Variants in ZMAT4 observed in about 807,000 individuals in gnomAD.
ZMAT4 encodes the protein zinc finger matrin-type protein 4.
A neutral mutation model predicts 28.7 loss-of-function variants in ZMAT4; 17 were observed. The ratio of observed to expected loss-of-function variants is 0.59; its 90% CI spans 0.41 to 0.89. The LOEUF (loss-of-function observed/expected upper bound fraction) is 0.89, where lower values mean the gene tolerates loss of function less well. Ranked by LOEUF, ZMAT4 falls within the 40% of genes least tolerant of loss-of-function variation. The probability of loss-of-function intolerance (pLI) is 0.00; values close to 1 mark genes in which losing one functional copy is unlikely to be tolerated. For missense variants in ZMAT4, 240 were observed against 283.8 expected (o/e 0.85, Z 1.11); for synonymous variants, 117 against 109.2 (o/e 1.07, Z -0.44).
chr8:40,825,390 C>G (rs1256534088), intron 2 of ZMAT4, among the ~76,000 whole-genome samples, 185 bp downstream of exon 2: 1 of 152,144 alleles, frequency 6.6e-6, no homozygotes, highest in African/African-American at 2.4e-5. Context: ...ATGACATCCC[C>G]AACCCTCACT....
chr8:40,812,697 G>A (rs903078515), intron 2 of ZMAT4, among the ~76,000 whole-genome samples: 4 of 152,124 alleles, frequency 2.6e-5, no homozygotes, highest in Non-Finnish European at 5.9e-5. Context: ...TTGGGAGGCC[G>A]AGGCGGGCGG....
At chr8:40,556,809 G>C (rs1224868131) in intron 6 of ZMAT4, among the ~76,000 whole-genome samples, 1 of 152,104 alleles carries the variant, frequency 6.6e-6, no homozygotes, top group Non-Finnish European at 1.5e-5. Context: ...ATCACCTTGA[G>C]TTTTTATCAT....
chr8:40,608,218 G>A (rs1441248136), intron 5 of ZMAT4, among the ~76,000 whole-genome samples: 1 of 152,178 alleles, frequency 6.6e-6, no homozygotes, highest in African/African-American at 2.4e-5. Context: ...AGGCATGTCT[G>A]AGCTCAGACT....
At chr8:40,877,517 C>T (rs972718634) in intron 1 of ZMAT4, among the ~76,000 whole-genome samples, 1 of 152,182 alleles carries the variant, frequency 6.6e-6, no homozygotes, top group African/African-American at 2.4e-5. Flanking sequence ...AGCACCATGC[C>T]TGGACATAGT....
chr8:40,562,756 C>G (rs1188518341), intron 6 of ZMAT4, among the ~76,000 whole-genome samples: 2 of 152,204 alleles, frequency 1.3e-5, no homozygotes, highest in East Asian at 1.9e-4. Flanking sequence ...CTACTTGACT[C>G]TTTCTGGCAT....
intron 5 of ZMAT4, among the ~76,000 whole-genome samples, chr8:40,595,173 C>T (rs1394026563): frequency 6.6e-6 from 1 of 152,138 alleles, no homozygotes; most frequent in Non-Finnish European, 1.5e-5. Context: ...TCCTTTCTAT[C>T]AACAACCTCT....
At chr8:40,585,753 C>T (rs911522289) in intron 5 of ZMAT4, among the ~76,000 whole-genome samples, 3 of 152,122 alleles carry the variant, frequency 2.0e-5, no homozygotes, top group African/African-American at 7.2e-5. Context: ...CCATTCTCCT[C>T]TTCTAAGCAT....
At chr8:40,573,413 T>C (rs570713710) in intron 6 of ZMAT4, among the ~76,000 whole-genome samples, 2 of 152,168 alleles carry the variant, frequency 1.3e-5, no homozygotes, top group Non-Finnish European at 2.9e-5. Flanking sequence ...TGTGGAAACA[T>C]AACTCCAATT....
chr8:40,885,988 A>T (rs887247778), intron 1 of ZMAT4, among the ~76,000 whole-genome samples: 2 of 152,212 alleles, frequency 1.3e-5, no homozygotes, highest in Non-Finnish European at 2.9e-5. Flanking sequence ...GAACTGGGTC[A>T]GTTTTGTCCA....
rs571240052 is a variant in ZMAT4 at position 40,703,646 on chromosome 8, C to T, written c.193-6245G>A. ...GTGATTGCTAATGGGTAAAGAGTTT[C>T]CAAGGTTACTGTAGATCTGGCAGTC... On this transcript the variant is annotated intron_variant, in intron 3 of 6. Transcript: ENST00000297737. Among the ~76,000 whole-genome samples, 3 of 152,042 alleles carry T rather than the reference C, an allele frequency of 2.0e-5. No individual in the cohort carries two copies. In the South Asian group the frequency reaches 6.2e-4, roughly 32 times the overall value.
chr8:40,742,751 A>G (rs1357843575), intron 3 of ZMAT4, among the ~76,000 whole-genome samples: 1 of 1,492 alleles, frequency 6.7e-4, no homozygotes, highest in Admixed American at 9.6e-3. Context: ...GCACGCATGC[A>G]CACACACACA....
chr8:40,677,570 A>G (rs1808963998), intron 4 of ZMAT4, among the ~76,000 whole-genome samples: 1 of 152,186 alleles, frequency 6.6e-6, no homozygotes, highest in South Asian at 2.1e-4. Flanking sequence ...TGTGGACAGA[A>G]CAAATTGTGG....
intron 1 of ZMAT4, among the ~76,000 whole-genome samples, chr8:40,858,170 G>T (rs767561213): frequency 3.3e-5 from 5 of 152,158 alleles, no homozygotes; most frequent in Non-Finnish European, 7.3e-5. Context: ...TTTTTCACAC[G>T]AGAAGACATG....
At chr8:40,870,111 AC>A (rs1229390229) in intron 1 of ZMAT4, among the ~76,000 whole-genome samples, 1 of 152,198 alleles carries the variant, frequency 6.6e-6, no homozygotes, top group African/African-American at 2.4e-5. Flanking sequence ...ATAAATGTAC[AC>A]CTATAAAGGA....
At chr8:40,761,982 C>T (rs1309214279) in intron 3 of ZMAT4, among the ~76,000 whole-genome samples, 1 of 152,146 alleles carries the variant, frequency 6.6e-6, no homozygotes, top group African/African-American at 2.4e-5. Flanking sequence ...ATAGAATCTC[C>T]ACTTCTAACT....
intron 3 of ZMAT4, among the ~76,000 whole-genome samples, chr8:40,710,963 T>A (rs1403658749): frequency 6.6e-6 from 1 of 152,030 alleles, no homozygotes; most frequent in Admixed American, 6.6e-5. Flanking sequence ...TTTTTGTATT[T>A]TTAGTAGAGA....
chr8:40,601,469 G>GAAAGAAAGAAAGAAAGAAAGAAA (rs1554525359), intron 5 of ZMAT4, among the ~76,000 whole-genome samples: 878 of 6,802 alleles, frequency 0.13, 84 homozygotes, highest in Non-Finnish European at 0.24. Context: ...AGGAAGAAAG[G>GAAAGAAAGAAAGAAAGAAAGAAA]AAAGAAAGAA....
chr8:40,730,576 T>G (rs1214430015), intron 3 of ZMAT4, among the ~76,000 whole-genome samples: 1 of 152,216 alleles, frequency 6.6e-6, no homozygotes, highest in Non-Finnish European at 1.5e-5. Context: ...GTATGCAGGT[T>G]CTTAAGGTGT....
In ZMAT4 at chr8:40,796,549, G is replaced by A. The variant is rs556627616; in HGVS notation, c.103-28819C>T. Among the ~76,000 whole-genome samples the A allele has an allele frequency of 2.0e-4, 30 of 152,204 alleles. 1 individual carries two copies. In the South Asian group the frequency reaches 6.0e-3, roughly 31 times the overall value. On this transcript the variant is annotated intron_variant, in intron 2 of 6. Transcript: ENST00000297737. ...CACCCAGCTCTTTATCACTGTCTCT[G>A]TGGTATTTAAAGAAAAGAAAGAAAG... is the stretch of plus-strand genomic sequence containing the variant.
Sources: gnomAD v4.1 joint callset for allele counts (sites outside exome capture counted in the v4.1 genomes callset) on GRCh38, gnomAD v4.1.1 for gene constraint, MANE v1.5 for transcripts, NCBI Gene and HGNC (gene_info 2026-07-23, HGNC 2026-07-21) for gene names.